The following ADAMTS2 variants were observed in gnomAD, a reference collection of about 807,000 sequenced individuals.
ADAMTS2 encodes the protein A disintegrin and metalloproteinase with thrombospondin motifs 2.
A neutral mutation model predicts 123.0 loss-of-function variants in ADAMTS2; 50 were observed. The observed-to-expected ratio is 0.41, with a 90% CI of 0.32 to 0.51. ADAMTS2 has a LOEUF of 0.51. Among genes scored for constraint, ADAMTS2 ranks in the 20% least tolerant of loss-of-function variants. The pLI is 0.35. For synonymous variants in ADAMTS2, 678 were observed against 695.4 expected (o/e 0.98, Z 0.39); for missense variants, 1,494 against 1,705.2 (o/e 0.88, Z 2.18).
At chr5:179,275,900 G>A (rs1033857285) in intron 2 of ADAMTS2, among the ~76,000 whole-genome samples, 2 of 152,226 alleles carry the variant, frequency 1.3e-5, no homozygotes, top group Non-Finnish European at 2.9e-5. Context: ...CATTCTCCGA[G>A]GGGCATGAGA....
In ADAMTS2 at chr5:179,298,937, T is replaced by C. The variant is rs552183705; in HGVS notation, c.535-25873A>G. On this transcript the variant is annotated intron_variant, in intron 2 of 21. Transcript: ENST00000251582. ...AGCTCTTAAGTTACTGGAATCAAAATCATAAATCTTTTTAAAATGATGACA... is the reference window on the plus strand; with the variant it reads ...AGCTCTTAAGTTACTGGAATCAAAACCATAAATCTTTTTAAAATGATGACA... Among the ~76,000 whole-genome samples, 12 of 152,234 alleles carry C rather than the reference T, an allele frequency of 7.9e-5. No individual in the cohort carries two copies. The East Asian group carries it at 1.5e-3, about 20-fold the overall frequency.
intron 17 of ADAMTS2, among the ~76,000 whole-genome samples, chr5:179,126,438 A>G (rs2113191709): frequency 6.6e-6 from 1 of 152,278 alleles, no homozygotes; most frequent in East Asian, 1.9e-4. Context: ...CCTTGACCTC[A>G]CATGCCCAGC....
intron 2 of ADAMTS2, among the ~76,000 whole-genome samples, chr5:179,320,474 A>ATTT (rs10565392): frequency 2.9e-4 from 42 of 142,470 alleles, no homozygotes; most frequent in African/African-American, 1.0e-3. Flanking sequence ...CGCCTGGCTA[A>ATTT]TTTTTTTTTT....
In ADAMTS2 at chr5:179,247,856, T is replaced by C. The variant is rs528037347; in HGVS notation, c.688+25055A>G. Among the ~76,000 whole-genome samples the C allele has an allele frequency of 9.9e-5, 15 of 152,270 alleles. No individual in the cohort carries two copies. The South Asian group carries it at 3.1e-3, about 32-fold the overall frequency. ...GAGAGAGTTTGTTTTCTAGTTGACC[T>C]GCCCTCCAATAAGTGTTAAAGAAAG... On this transcript the variant is annotated intron_variant, in intron 3 of 21. Coordinates refer to ENST00000251582, the MANE Select transcript of ADAMTS2 (RefSeq NM_014244.5).
At chr5:179,141,111 G>A (rs1274926160) in intron 10 of ADAMTS2, among the ~76,000 whole-genome samples, 1 of 151,760 alleles carries the variant, frequency 6.6e-6, no homozygotes, top group African/African-American at 2.4e-5. Context: ...CACCGCGCCC[G>A]GCCGACTGCA....
intron 2 of ADAMTS2, among the ~76,000 whole-genome samples, chr5:179,334,754 AAAAG>A (rs1362089460): frequency 6.6e-6 from 1 of 152,248 alleles, no homozygotes; most frequent in Non-Finnish European, 1.5e-5. Flanking sequence ...GCTGCTTGAT[AAAAG>A]ATAGTTCTAT....
intron 3 of ADAMTS2, 47 bp from the exon 4 acceptor site, chr5:179,207,762 G>A: frequency 3.8e-6 from 6 of 1,563,578 alleles, no homozygotes; most frequent in Non-Finnish European, 5.2e-6. Flanking sequence ...AACCCACCCG[G>A]ACACAAACCT....
chr5:179,204,958 T>C (rs1764645117), intron 4 of ADAMTS2, among the ~76,000 whole-genome samples: 1 of 152,252 alleles, frequency 6.6e-6, no homozygotes, highest in South Asian at 2.1e-4. Context: ...ACGGCCCAAA[T>C]ACTTTCTCAA....
At chr5:179,230,884 G>A (rs961702656) in intron 3 of ADAMTS2, among the ~76,000 whole-genome samples, 4 of 152,068 alleles carry the variant, frequency 2.6e-5, no homozygotes, top group Admixed American at 2.6e-4. Flanking sequence ...GGTGGTGGGC[G>A]CCTGTAATTG....
chr5:179,327,489 AG>A (rs1757346453), intron 2 of ADAMTS2, among the ~76,000 whole-genome samples: 1 of 152,170 alleles, frequency 6.6e-6, no homozygotes, highest in South Asian at 2.1e-4. Flanking sequence ...CCCCAACCAC[AG>A]GGGACACCTA....
At chr5:179,315,152 C>T (rs1756953027) in intron 2 of ADAMTS2, among the ~76,000 whole-genome samples, 1 of 151,874 alleles carries the variant, frequency 6.6e-6, no homozygotes, top group African/African-American at 2.4e-5. Flanking sequence ...TGCCTCAGAC[C>T]CTCCCACCTA....
intron 4 of ADAMTS2, among the ~76,000 whole-genome samples, chr5:179,192,709 G>C (rs1053899959): frequency 1.3e-5 from 2 of 152,216 alleles, no homozygotes; most frequent in Non-Finnish European, 2.9e-5. Context: ...TCTGGCTGCA[G>C]GGAAGTTTCC....
chr5:179,204,907 A>C (rs992147516), intron 4 of ADAMTS2, among the ~76,000 whole-genome samples: 2 of 152,234 alleles, frequency 1.3e-5, no homozygotes, highest in African/African-American at 4.8e-5. Flanking sequence ...CGTTTGCTGA[A>C]TGAATCAGTG....
At chr5:179,240,095 G>C (rs552226454) in intron 3 of ADAMTS2, among the ~76,000 whole-genome samples, 6 of 152,192 alleles carry the variant, frequency 3.9e-5, no homozygotes, top group Non-Finnish European at 8.8e-5. Flanking sequence ...TGACAGACGA[G>C]GGAAGCCGTC....
chr5:179,339,418 C>T (rs977211721), intron 2 of ADAMTS2, among the ~76,000 whole-genome samples: 5 of 152,210 alleles, frequency 3.3e-5, no homozygotes, highest in African/African-American at 7.2e-5. Context: ...ATGCTCTGAG[C>T]CCCTGGATTC....
In ADAMTS2 at chr5:179,181,195, C is replaced by T. The variant is rs746173783; in HGVS notation, c.892-40G>A. ...GAGGCATCAGCGGGAACCACAGGCC[C>T]TAGGACTGGCTCTGGCTCTGCCAAT... On this transcript the variant is annotated intron_variant, in intron 4 of 21. Coordinates refer to ENST00000251582, the MANE Select transcript of ADAMTS2 (RefSeq NM_014244.5). This position sits in a 1 kb window ranked among gnomAD's most constrained non-coding sequence, Gnocchi z 4.1. 2.7e-6 allele frequency: 4 copies of T among 1,459,274 alleles called. No homozygotes were observed. The African/African-American group carries it at 4.2e-5, about 15-fold the overall frequency. The allele number at this position is 1,459,274 out of a possible 1,614,324, so 90.4% of individuals were successfully genotyped here. A position where few individuals can be genotyped will look rare whatever the true frequency, so the allele number is the denominator to read the frequency against.
chr5:179,257,765 C>T (rs1000012677), intron 3 of ADAMTS2, among the ~76,000 whole-genome samples: 3 of 152,336 alleles, frequency 2.0e-5, no homozygotes, highest in South Asian at 2.1e-4. Flanking sequence ...CGGTCCTGAG[C>T]GCCGTGGGCT....
chr5:179,264,116 G>A (rs2113494782), intron 3 of ADAMTS2, among the ~76,000 whole-genome samples: 1 of 152,272 alleles, frequency 6.6e-6, no homozygotes, highest in African/African-American at 2.4e-5. Context: ...GTCCCCTTCA[G>A]ATGTCCCTAC....
rs1402959671 is a variant in ADAMTS2 at position 179,314,364 on chromosome 5, C to T, written c.534+29403G>A. 1.3e-5 allele frequency among the ~76,000 whole-genome samples: 2 copies of T among 152,242 alleles called. No homozygotes were observed. Among genetic ancestry groups the T allele is most frequent in the African/African-American group, 2.4e-5 (1 of 41,472 alleles). ...GAGCTGGGCGGCCGCCAGCTCTGAG[C>T]TAAGTGAGCGCAGAGGAGAGTGCAG... On this transcript the variant is annotated intron_variant, in intron 2 of 21. Transcript: ENST00000251582. This position sits in a 1 kb window ranked among gnomAD's most constrained non-coding sequence, Gnocchi z 4.5.
Sources: allele counts gnomAD v4.1 joint callset (sites outside exome capture counted in the v4.1 genomes callset), GRCh38; gene constraint gnomAD v4.1.1; non-coding constraint Gnocchi (gnomAD v3.1); transcripts MANE v1.5; gene names NCBI Gene and HGNC (gene_info 2026-07-23, HGNC 2026-07-21).